Variants in CAMK1G observed in about 807,000 individuals in gnomAD.
CAMK1G encodes calcium/calmodulin-dependent protein kinase type 1G.
Under a neutral mutation model 54.8 loss-of-function variants are expected in CAMK1G, and 27 were observed. The observed-to-expected ratio is 0.49, with a 90% confidence interval of 0.36 to 0.68. The LOEUF is 0.68. Ranked by LOEUF, CAMK1G falls within the 30% of genes least tolerant of loss-of-function variation. CAMK1G has a pLI of 0.00. For missense variants in CAMK1G, 512 were observed against 591.0 expected (o/e 0.87, Z 1.39); for synonymous variants, 238 against 224.9 (o/e 1.06, Z -0.52).
chr1:209,611,573 G>C, intron 10 of CAMK1G, 21 bp downstream of exon 10: 2 of 1,607,048 alleles, frequency 1.2e-6, no homozygotes, highest in South Asian at 1.1e-5. Context: ...CTCTCCAGGG[G>C]GTGGGAAAGC....
Position 209,612,153 on chromosome 1 carries a change from G to A in CAMK1G, c.1277G>A (p.Gly426Glu), listed in dbSNP as rs2102397831. 5.6e-6 allele frequency: 9 copies of A among 1,614,214 alleles called. No homozygotes were observed. Among genetic ancestry groups the A allele is most frequent in the Non-Finnish European group, 7.6e-6 (9 of 1,180,036 alleles). The change falls in exon 11 of 13, where the codon GGG (glycine) becomes GAG (glutamate). Residue 426 changes from glycine to glutamate, a missense_variant. Around this residue, in one of 3 missense-constraint regions of CAMK1G, gnomAD observed 315 missense variants for 330.5 expected, o/e 0.95. Coordinates refer to ENST00000361322, the MANE Select transcript of CAMK1G (RefSeq NM_020439.3). ...CGCCSSCLNIGSKGKSSYCSE... is the reference protein window; with the variant it reads ...CGCCSSCLNIESKGKSSYCSE... ...TGCTGCTCCAGCTGCCTGAACATTG[G>A]GAGCAAAGGAAAGTCCTCCTACTGC... is the stretch of plus-strand genomic sequence containing the variant.
Position 209,605,521 on chromosome 1 carries a change from A to T in CAMK1G, c.297-15A>T. 1 of 1,612,682 alleles carries T rather than the reference A, an allele frequency of 6.2e-7. No homozygotes were observed. Among genetic ancestry groups the T allele is most frequent in the Non-Finnish European group, 8.5e-7 (1 of 1,179,198 alleles). On this transcript the variant is annotated splice_polypyrimidine_tract_variant and intron_variant, in intron 4 of 12. Coordinates refer to ENST00000361322, the MANE Select transcript of CAMK1G (RefSeq NM_020439.3). ...AAATGAGAACTGAATTCCTGTCTTG[A>T]TCCTATGCCCACAGTGTTTCTGGTG...
At chr1:209,599,775 C>T (rs1315495781) in intron 2 of CAMK1G, among the ~76,000 whole-genome samples, 1 of 152,196 alleles carries the variant, frequency 6.6e-6, no homozygotes, top group African/African-American at 2.4e-5. Context: ...TTTTTTATGA[C>T]ATTGGCATTT....
chr1:209,592,065 G>A (rs796216673), intron 1 of CAMK1G, among the ~76,000 whole-genome samples: 10 of 152,222 alleles, frequency 6.6e-5, no homozygotes, highest in African/African-American at 2.2e-4. Context: ...ATTCCTATTA[G>A]GCTGGGATTG....
chr1:209,590,848 C>G (rs1665228403), intron 1 of CAMK1G, among the ~76,000 whole-genome samples: 1 of 152,148 alleles, frequency 6.6e-6, no homozygotes, highest in African/African-American at 2.4e-5. Context: ...ATCCGCACAG[C>G]AAGAAGTATT....
At position 209,612,113 on chromosome 1, in the gene CAMK1G, G is replaced by T. The variant is rs200585732; in HGVS notation, c.1237G>T (p.Ala413Ser). Residue 413 changes from alanine (A) to serine (S), a missense_variant, in exon 11 of 13, where the codon GCC becomes TCC. By Grantham distance (99) the Ala-to-Ser change is moderately conservative. This residue lies in a region of CAMK1G where 315 missense variants were observed against 330.5 expected (regional missense o/e 0.95). Transcript: ENST00000361322. ...LVPMHQGSLA[A>S]GPCGCCSSCL... ...GCCCATGCATCAGGGGTCCCTGGCC[G>T]CCGGGCCCTGTGGCTGCTGCTCCAG... The T allele has an allele frequency of 1.2e-6, 2 of 1,614,188 alleles. No homozygotes were observed. Among genetic ancestry groups the T allele is most frequent in the Non-Finnish European group, 1.7e-6 (2 of 1,179,986 alleles).
intron 1 of CAMK1G, among the ~76,000 whole-genome samples, chr1:209,587,982 G>A (rs1458286101): frequency 6.6e-6 from 1 of 152,188 alleles, no homozygotes; most frequent in Non-Finnish European, 1.5e-5. Flanking sequence ...TGCTCCCAAA[G>A]AATGGAAAAT....
At chr1:209,605,029 C>T (rs1665613487) in intron 4 of CAMK1G, among the ~76,000 whole-genome samples, 2 of 152,174 alleles carry the variant, frequency 1.3e-5, no homozygotes, top group South Asian at 4.1e-4. Context: ...ATTTGAGTCT[C>T]AAAGCACCCC....
intron 4 of CAMK1G, 24 bp from the exon 5 acceptor site, chr1:209,605,512 C>T (rs1558139987): frequency 6.2e-7 from 1 of 1,609,030 alleles, no homozygotes; most frequent in Non-Finnish European, 8.5e-7. Flanking sequence ...GAACTGAATT[C>T]CTGTCTTGAT....
intron 1 of CAMK1G, among the ~76,000 whole-genome samples, chr1:209,588,280 G>A (rs1665153611): frequency 6.6e-6 from 1 of 152,122 alleles, no homozygotes; most frequent in South Asian, 2.1e-4. Flanking sequence ...GCCCAGTTTA[G>A]GAACACTATG....
At chr1:209,608,328 C>T (rs190304084) in intron 7 of CAMK1G, among the ~76,000 whole-genome samples, 1 of 152,286 alleles carries the variant, frequency 6.6e-6, no homozygotes, top group East Asian at 1.9e-4. Context: ...TACATCTCAG[C>T]TTTCCCAAGG....
intron 1 of CAMK1G, among the ~76,000 whole-genome samples, chr1:209,589,989 G>C (rs1244635267): frequency 6.6e-6 from 1 of 152,178 alleles, no homozygotes; most frequent in Non-Finnish European, 1.5e-5. Flanking sequence ...CAGCCACAAA[G>C]CCGACATCCT....
Position 209,609,003 on chromosome 1 carries a change from A to G in CAMK1G, c.659A>G (p.Tyr220Cys), listed in dbSNP as rs1323405995. The G allele has an allele frequency of 6.2e-7, 1 of 1,614,086 alleles. No individual in the cohort carries two copies. Among genetic ancestry groups the G allele is most frequent in the Non-Finnish European group, 8.5e-7 (1 of 1,179,962 alleles). The change falls in exon 8 of 13, where the codon TAT (tyrosine) becomes TGT (cysteine). Residue 220 changes from tyrosine to cysteine, a missense_variant. Physicochemically the swap from Tyr to Cys is radical, Grantham distance 194. Transcript: ENST00000361322. ...AGGCTCTGTGGATACCCCCCATTCT[A>G]TGAAGAAACGGAGTCTAAGCTTTTC... ...YILLCGYPPF[Y>C]EETESKLFEK...
intron 6 of CAMK1G, 45 bp from the exon 7 acceptor site, chr1:209,607,813 T>A (rs1012507188): frequency 3.8e-6 from 6 of 1,567,996 alleles, no homozygotes; most frequent in Non-Finnish European, 5.2e-6. Context: ...CCCAAAGCCC[T>A]CTCCTCTTGC....
intron 2 of CAMK1G, among the ~76,000 whole-genome samples, chr1:209,596,098 G>T (rs1294042367): frequency 6.6e-6 from 1 of 152,250 alleles, no homozygotes; most frequent in Non-Finnish European, 1.5e-5. Flanking sequence ...TGACTAGAAG[G>T]CAGTGACCTC....
chr1:209,610,171 C>T (rs892395326), intron 9 of CAMK1G, among the ~76,000 whole-genome samples: 8 of 152,012 alleles, frequency 5.3e-5, no homozygotes, highest in East Asian at 1.9e-4. Flanking sequence ...CAGGTGCAGC[C>T]GAGCGCTGTC....
chr1:209,609,977 A>G, intron 9 of CAMK1G, 48 bp downstream of exon 9: 1 of 1,447,800 alleles, frequency 6.9e-7, no homozygotes, highest in East Asian at 2.3e-5. Flanking sequence ...TGTAGTTCCC[A>G]AAACCATGCT....
chr1:209,599,873 G>T, intron 2 of CAMK1G, 110 bp from the exon 3 acceptor site: 1 of 1,295,592 alleles, frequency 7.7e-7, no homozygotes, highest in South Asian at 1.4e-5. Flanking sequence ...ATATGCCTTT[G>T]TGGTCAGAGG....
intron 4 of CAMK1G, among the ~76,000 whole-genome samples, chr1:209,604,499 C>A (rs1665602663): frequency 1.3e-5 from 2 of 152,094 alleles, no homozygotes; most frequent in Non-Finnish European, 2.9e-5. Flanking sequence ...ATAGGAGCGC[C>A]CAAAGCCTAA....
Sources: allele counts gnomAD v4.1 joint callset (sites outside exome capture counted in the v4.1 genomes callset), GRCh38; gene constraint gnomAD v4.1.1; regional missense constraint gnomAD v4.1.1; transcripts MANE v1.5; gene names NCBI Gene and HGNC (gene_info 2026-07-23, HGNC 2026-07-21).